ATP7A: variants seen among roughly 807,000 people sequenced by gnomAD.
ATP7A encodes the protein copper-transporting ATPase 1.
A neutral mutation model predicts 83.5 loss-of-function variants in ATP7A; 7 were observed. That is an observed-to-expected ratio of 0.08 (90% CI 0.05 to 0.16). The LOEUF is 0.16. Ranked by LOEUF, ATP7A falls within the 10% of genes least tolerant of loss-of-function variation. The probability of loss-of-function intolerance (pLI) is 1.00; values close to 1 mark genes in which losing one functional copy is unlikely to be tolerated. For missense variants in ATP7A, 940 were observed against 1,120.8 expected, an observed-to-expected ratio of 0.84 and a Z score of 2.30; for synonymous variants, 354 against 395.2, an observed-to-expected ratio of 0.90 and a Z score of 1.24.
intron 2 of ATP7A, among the ~76,000 whole-genome samples, chrX:77,986,023 G>A (rs2077634458): frequency 2.7e-5 from 3 of 111,914 alleles, no homozygotes; most frequent in Admixed American, 1.9e-4. Flanking sequence ...TATATTGCAT[G>A]TCTTTCAATA....
intron 17 of ATP7A, among the ~76,000 whole-genome samples, chrX:78,035,782 C>A (rs1349579913): frequency 8.9e-6 from 1 of 111,990 alleles, no homozygotes; most frequent in Non-Finnish European, 1.9e-5. Flanking sequence ...CAAATGGCAT[C>A]TATCTCGTGA....
intron 1 of ATP7A, among the ~76,000 whole-genome samples, chrX:77,916,609 A>G (rs1428442366): frequency 2.7e-5 from 3 of 111,083 alleles, no homozygotes; most frequent in Admixed American, 1.9e-4. Flanking sequence ...TAATTGTCAA[A>G]TGCTGAACCA....
chrX:78,027,235 C>A (rs993830422), intron 14 of ATP7A, among the ~76,000 whole-genome samples: 3 of 110,965 alleles, frequency 2.7e-5, no homozygotes, highest in Non-Finnish European at 5.7e-5. Flanking sequence ...ACTCCCAGAC[C>A]AGATAAACTA....
intron 1 of ATP7A, among the ~76,000 whole-genome samples, chrX:77,936,565 C>T (rs1209298201): frequency 8.9e-6 from 1 of 111,971 alleles, no homozygotes; most frequent in African/African-American, 3.2e-5. Context: ...CATTAAACAA[C>T]ACTAGTGGCA....
chrX:78,036,113 T>C (rs1157390661), intron 17 of ATP7A, among the ~76,000 whole-genome samples: 1 of 111,732 alleles, frequency 8.9e-6, no homozygotes, highest in African/African-American at 3.3e-5. Context: ...GTAAACAAGA[T>C]AAACTAAGTT....
At position 77,986,505 on chromosome X, in the gene ATP7A, A is replaced by G. The variant is rs782141100; in HGVS notation, c.121-1737A>G. On this transcript the variant is annotated intron_variant, in intron 2 of 22. Transcript: ENST00000341514. The stretch of plus-strand genomic sequence containing the variant: ...CAAAAATCAATAGGTCCAGCACTGA[A>G]TTTATCATCTCTCCTTTCCCTCCAC... Among the ~76,000 whole-genome samples, 8 of 111,027 alleles carry G rather than the reference A, an allele frequency of 7.2e-5. No homozygotes were observed. The South Asian group carries it at 3.0e-3, about 42-fold the overall frequency.
At chrX:77,990,072 A>T (rs781978058) in intron 4 of ATP7A, 114 bp downstream of exon 4, 1 of 983,361 alleles carries the variant, frequency 1.0e-6, no homozygotes, top group African/African-American at 1.9e-5. Context: ...CCACTTTTGC[A>T]AATATGTCCT....
At chrX:77,980,672 T>C (rs1186021747) in intron 2 of ATP7A, among the ~76,000 whole-genome samples, 4 of 110,644 alleles carry the variant, frequency 3.6e-5, no homozygotes, top group African/African-American at 6.6e-5. Flanking sequence ...AAACTTTTTT[T>C]TAAATTATTT....
At chrX:77,987,757 A>G (rs1355007653) in intron 2 of ATP7A, among the ~76,000 whole-genome samples, 2 of 111,209 alleles carry the variant, frequency 1.8e-5, no homozygotes, top group Non-Finnish European at 3.8e-5. Flanking sequence ...AAGTTATCCT[A>G]ATTGAACATT....
At chrX:78,038,257 T>C (rs2149109356) in intron 17 of ATP7A, among the ~76,000 whole-genome samples, 1 of 110,047 alleles carries the variant, frequency 9.1e-6, no homozygotes, top group South Asian at 3.9e-4. Context: ...TGATTGCTTC[T>C]ATTTTCTTTC....
chrX:77,947,332 A>G (rs1318330472), intron 1 of ATP7A, among the ~76,000 whole-genome samples: 3 of 111,901 alleles, frequency 2.7e-5, no homozygotes, highest in Non-Finnish European at 5.6e-5. Flanking sequence ...AGTTCTGAAG[A>G]CAGATGGTGG....
chrX:77,989,486 T>C lies in ATP7A; in HGVS notation c.864T>C (p.Cys288=), dbSNP rs142521666. ...TATFIIDGMH[C]KSCVSNIEST... Reference sequence around the variant, plus strand: ...CTTTCATCATTGATGGCATGCATTGTAAATCATGTGTGTCAAATATTGAAA... The same window carrying C: ...CTTTCATCATTGATGGCATGCATTGCAAATCATGTGTGTCAAATATTGAAA... Residue 288 remains cysteine (C), a synonymous_variant, in exon 4 of 23, where the codon TGT becomes TGC. Transcript: ENST00000341514. 421 of 1,210,151 alleles carry C rather than the reference T, an allele frequency of 3.5e-4. 1 individual carries two copies. In the East Asian group the frequency reaches 0.012, roughly 34 times the overall value.
At chrX:77,975,412 G>T (rs782610941) in intron 2 of ATP7A, 7 of 108,025 alleles carry the variant, frequency 6.5e-5, no homozygotes, top group African/African-American at 2.4e-4. Flanking sequence ...AATATCTCAT[G>T]CCAAAAGCTT....
intron 5 of ATP7A, among the ~76,000 whole-genome samples, chrX:78,001,504 A>G (rs2077738342): frequency 9.0e-6 from 1 of 111,667 alleles, no homozygotes; most frequent in Non-Finnish European, 1.9e-5. Flanking sequence ...TTAAATTATG[A>G]TTGACTATAG....
Position 78,014,688 on chromosome X carries a change from G to C in ATP7A, c.2433G>C (p.Lys811Asn). 1 of 1,209,267 alleles carries C rather than the reference G, an allele frequency of 8.3e-7. No homozygotes were observed. Among genetic ancestry groups the C allele is most frequent in the Non-Finnish European group, 1.1e-6 (1 of 893,818 alleles). The change falls in exon 11 of 23, where the codon AAG becomes AAC. Residue 811 changes from lysine (K) to asparagine (N), a missense_variant. Lys to Asn is a moderately conservative substitution (Grantham distance 94). Transcript: ENST00000341514. ...GCAAAACATCAGAGGCTCTTGCAAAGTTAATTTCACTACAAGCTACAGAAG... is the reference window on the plus strand; with the variant it reads ...GCAAAACATCAGAGGCTCTTGCAAACTTAATTTCACTACAAGCTACAGAAG... Reference protein sequence around the residue: ...AKGKTSEALAKLISLQATEAT... With the variant: ...AKGKTSEALANLISLQATEAT...
chrX:78,002,962 T>G, intron 5 of ATP7A, 111 bp from the exon 6 acceptor site: 1 of 839,562 alleles, frequency 1.2e-6, no homozygotes, highest in Non-Finnish European at 1.7e-6. Context: ...TTCAAATCCT[T>G]TAATACTTAA....
intron 4 of ATP7A, among the ~76,000 whole-genome samples, chrX:77,995,389 A>T (rs1340627967): frequency 9.2e-6 from 1 of 109,161 alleles, no homozygotes; most frequent in Admixed American, 9.8e-5. Context: ...ACATGGTGAA[A>T]CCCTGTCTCT....
intron 5 of ATP7A, among the ~76,000 whole-genome samples, chrX:78,000,646 T>G (rs1557233034): frequency 4.7e-5 from 5 of 107,416 alleles, no homozygotes; most frequent in Non-Finnish European, 9.5e-5. Context: ...TAAATGTATA[T>G]TAATATAATA....
chrX:77,932,421 C>T (rs1404399513), intron 1 of ATP7A, among the ~76,000 whole-genome samples: 9 of 103,805 alleles, frequency 8.7e-5, no homozygotes, highest in Non-Finnish European at 1.8e-4. Context: ...ACTTTCCAGA[C>T]TGGGCAGCCA....
Sources: gnomAD v4.1 joint callset for allele counts (sites outside exome capture counted in the v4.1 genomes callset) on GRCh38, gnomAD v4.1.1 for gene constraint, MANE v1.5 for transcripts, NCBI Gene and HGNC (gene_info 2026-07-23, HGNC 2026-07-21) for gene names.